PDE1C: variants seen among roughly 807,000 people sequenced by gnomAD.
PDE1C encodes phosphodiesterase 1C, also known as dual specificity calcium/calmodulin-dependent 3',5'-cyclic nucleotide phosphodiesterase 1C.
In PDE1C, 62 loss-of-function variants were observed where a neutral mutation model predicts 93.1. The observed-to-expected ratio is 0.67, with a 90% CI of 0.54 to 0.82. The LOEUF is 0.82. PDE1C is among the 40% of genes least tolerant of loss of function. The probability of loss-of-function intolerance (pLI) is 0.00; values close to 1 mark genes in which losing one functional copy is unlikely to be tolerated. For synonymous variants in PDE1C, 325 were observed against 310.1 expected, an observed-to-expected ratio of 1.05 and a Z score of -0.50; for missense variants, 742 against 884.6, an observed-to-expected ratio of 0.84 and a Z score of 2.04.
intron 2 of PDE1C, among the ~76,000 whole-genome samples, chr7:32,205,711 A>G (rs926751367): frequency 6.6e-6 from 1 of 152,134 alleles, no homozygotes; most frequent in African/African-American, 2.4e-5. Context: ...CACTACCTTT[A>G]TGAGCTGTAA....
rs2128901261 is a variant in PDE1C, at chr7:32,298,588, T to C, written c.85+63A>G. The C allele has an allele frequency of 2.6e-6, 4 of 1,534,850 alleles. No individual in the cohort carries two copies. In the East Asian group the frequency reaches 7.4e-5, roughly 28 times the overall value. The stretch of plus-strand genomic sequence containing the variant: ...CCCCTGCCCGCTTAGAAAGGAACTC[T>C]GACCGCCACCGGAGAGGGCGTTTGC... On this transcript the variant is annotated intron_variant, in intron 1 of 18. Coordinates refer to the PDE1C transcript ENST00000396193.
chr7:31,969,428 A>C (rs1810565552), intron 2 of PDE1C, among the ~76,000 whole-genome samples: 1 of 152,226 alleles, frequency 6.6e-6, no homozygotes, highest in African/African-American at 2.4e-5. Context: ...AATGCAAATC[A>C]AAACCACAAC....
chr7:31,670,687 G>A, the PDE1C span, among the ~76,000 whole-genome samples: 2 of 152,130 alleles, frequency 1.3e-5, no homozygotes, highest in African/African-American at 2.4e-5. Context: ...GCAAATTCTG[G>A]GCAGAAGAGA....
chr7:32,119,189 A>C (rs1483416556), intron 3 of PDE1C, among the ~76,000 whole-genome samples: 1 of 152,070 alleles, frequency 6.6e-6, no homozygotes. Flanking sequence ...CTACCAAAAA[A>C]CTCAAGGGGA....
intron 3 of PDE1C, among the ~76,000 whole-genome samples, chr7:32,087,997 A>G (rs1797216694): frequency 2.0e-5 from 3 of 149,598 alleles, no homozygotes; most frequent in South Asian, 2.2e-4. Flanking sequence ...AACTTAAAGT[A>G]TAATAATAAT....
chr7:32,280,585 T>C (rs758136832), intron 1 of PDE1C, among the ~76,000 whole-genome samples: 2 of 152,160 alleles, frequency 1.3e-5, no homozygotes, highest in Non-Finnish European at 2.9e-5. Context: ...ATGAAACATG[T>C]ACAAAAATTG....
At chr7:31,754,406 A>G (rs760010603) in intron 17 of PDE1C, among the ~76,000 whole-genome samples, 6 of 152,248 alleles carry the variant, frequency 3.9e-5, no homozygotes, top group Non-Finnish European at 8.8e-5. Flanking sequence ...ATTGATGGAA[A>G]ATGTATGTCC....
chr7:31,642,883 G>A, the PDE1C span: 2 of 1,614,030 alleles, frequency 1.2e-6, no homozygotes, highest in Non-Finnish European at 1.7e-6. Flanking sequence ...GATGGAGGAA[G>A]AGTTTCTGCT....
chr7:31,839,142 T>C (rs536668166), intron 9 of PDE1C, among the ~76,000 whole-genome samples: 1 of 148,868 alleles, frequency 6.7e-6, no homozygotes, highest in Non-Finnish European at 1.5e-5. Flanking sequence ...TATATGTATA[T>C]ATAGATTATG....
At chr7:32,250,145 C>T (rs1472780965) in intron 1 of PDE1C, among the ~76,000 whole-genome samples, 1 of 152,162 alleles carries the variant, frequency 6.6e-6, no homozygotes, top group African/African-American at 2.4e-5. Flanking sequence ...GACACAAGAG[C>T]TCCCATTTAT....
chr7:32,059,890 G>A (rs577115693), intron 1 of PDE1C, among the ~76,000 whole-genome samples: 16 of 152,288 alleles, frequency 1.1e-4, no homozygotes, highest in Middle Eastern at 3.4e-3. Flanking sequence ...CTCTATTCAC[G>A]TATTTACAAC....
intron 3 of PDE1C, among the ~76,000 whole-genome samples, chr7:32,127,225 A>C (rs1584812584): frequency 6.6e-6 from 1 of 152,108 alleles, no homozygotes; most frequent in Non-Finnish European, 1.5e-5. Context: ...CAGACTCCCA[A>C]CTGCAGATCT....
chr7:32,143,404 C>A (rs1382941418), intron 3 of PDE1C, among the ~76,000 whole-genome samples: 1 of 151,296 alleles, frequency 6.6e-6, no homozygotes, highest in African/African-American at 2.4e-5. Context: ...GGGTAGAATC[C>A]TGAGAGACAT....
At chr7:32,315,390 G>A (rs1236825703) in intron 1 of PDE1C, among the ~76,000 whole-genome samples, 1 of 151,194 alleles carries the variant, frequency 6.6e-6, no homozygotes, top group African/African-American at 2.4e-5. Context: ...AGGTAGAGAG[G>A]AAAGGAGGAA....
At chr7:32,289,260 A>G (rs1158011806) in intron 1 of PDE1C, among the ~76,000 whole-genome samples, 3 of 152,308 alleles carry the variant, frequency 2.0e-5, no homozygotes, top group Middle Eastern at 3.4e-3. Context: ...AAAATAAGTT[A>G]GCTGGGCATG....
chr7:31,837,902 T>C lies in PDE1C; in HGVS notation c.1050A>G (p.Lys350=). ...TDMSCHFQQI[K]AMKTALQQPE... is the part of the protein sequence containing the mutation. ...GCTGCTGCAGAGCAGTCTTCATTGC[T>C]TTGATTTGTTGGAAGTGACAAGACA... The change falls in exon 10 of 18, where the codon AAA becomes AAG. Residue 350 remains lysine, a synonymous_variant. Transcript: ENST00000396191. 5 of 1,613,778 alleles carry C rather than the reference T, an allele frequency of 3.1e-6. No homozygotes were observed. The highest frequency in any genetic ancestry group is 4.2e-6 in the Non-Finnish European group (5 of 1,179,660).
chr7:32,297,955 A>ATC lies in PDE1C; in HGVS notation c.85+694_85+695dup, dbSNP rs768784407. 5.2e-4 allele frequency among the ~76,000 whole-genome samples: 15 copies of ATC among 28,948 alleles called. 1 individual carries two copies. The highest frequency in any genetic ancestry group is 3.8e-3 in the South Asian group (2 of 528). 19.0% of individuals were successfully genotyped at this position (28,948 alleles called of 152,430 possible). A position where few individuals can be genotyped will look rare whatever the true frequency, so the allele number is the denominator to read the frequency against. ...CAACTTTTATAGAAACTATTGTTCA[A>ATC]TCTCTCTCTCTCTCTCTCTCTCTCT... On this transcript the variant is annotated intron_variant, in intron 1 of 18. Transcript: ENST00000396193.
At chr7:31,953,176 C>G (rs1807645399) in intron 2 of PDE1C, among the ~76,000 whole-genome samples, 1 of 152,118 alleles carries the variant, frequency 6.6e-6, no homozygotes, top group South Asian at 2.1e-4. Flanking sequence ...TGAATGTTTA[C>G]TAATTGTATC....
chr7:31,890,886 G>C (rs556368819), intron 2 of PDE1C, among the ~76,000 whole-genome samples: 67 of 152,154 alleles, frequency 4.4e-4, no homozygotes, highest in Non-Finnish European at 8.5e-4. Flanking sequence ...TTGAATGTGT[G>C]TGTGAAGACA....
Sources: allele counts gnomAD v4.1 joint callset (sites outside exome capture counted in the v4.1 genomes callset), GRCh38; gene constraint gnomAD v4.1.1; transcripts MANE v1.5; gene names NCBI Gene and HGNC (gene_info 2026-07-23, HGNC 2026-07-21).